Variants in PPP6R2 observed in about 807,000 individuals in gnomAD.
The protein encoded by PPP6R2 is protein phosphatase 6 regulatory subunit 2.
In PPP6R2, 62 loss-of-function variants were observed where a neutral mutation model predicts 100.2. The observed-to-expected ratio is 0.62, with a 90% CI of 0.50 to 0.76. PPP6R2 has a LOEUF of 0.76. Ranked by LOEUF, PPP6R2 falls within the 30% of genes least tolerant of loss-of-function variation. The pLI is 0.00. For synonymous variants in PPP6R2, 525 were observed against 514.7 expected (o/e 1.02, Z -0.27); for missense variants, 1,142 against 1,276.3 (o/e 0.89, Z 1.60).
chr22:50,414,258 C>T (rs1053907334), intron 4 of PPP6R2, among the ~76,000 whole-genome samples: 7 of 147,514 alleles, frequency 4.7e-5, no homozygotes, highest in African/African-American at 9.9e-5. Flanking sequence ...CAGCTGCTCA[C>T]GGCAGCCTGT....
intron 1 of PPP6R2, among the ~76,000 whole-genome samples, chr22:50,351,613 G>A (rs774316627): frequency 9.2e-5 from 14 of 151,838 alleles, no homozygotes; most frequent in Non-Finnish European, 2.9e-5. Context: ...TTCTATATCA[G>A]CATTTGCTGT....
At position 50,366,341 on chromosome 22, in the gene PPP6R2, C is replaced by T. The variant is rs553856807; in HGVS notation, c.-147-5679C>T. Among the ~76,000 whole-genome samples the T allele has an allele frequency of 4.1e-5, 6 of 145,606 alleles. No individual in the cohort carries two copies. In the East Asian group the frequency reaches 6.1e-4, roughly 15 times the overall value. ...TTTTTTTTTTTTTTAAATGGAGTCT[C>T]GCTCTGTCACCTAGGCTGGAGTGCA... On this transcript the variant is annotated intron_variant, in intron 1 of 23. Coordinates refer to ENST00000612753, the MANE Select transcript of PPP6R2 (RefSeq NM_001242898.2).
At chr22:50,401,276 C>T (rs1026381131) in intron 3 of PPP6R2, among the ~76,000 whole-genome samples, 25 of 147,794 alleles carry the variant, frequency 1.7e-4, no homozygotes, top group Non-Finnish European at 3.1e-4. Flanking sequence ...GGCACGATCT[C>T]GGCTCACTGC....
At chr22:50,333,163 G>A in the PPP6R2 span, among the ~76,000 whole-genome samples, 34 of 151,850 alleles carry the variant, frequency 2.2e-4, no homozygotes, top group Non-Finnish European at 3.4e-4. Context: ...AATAAACTTA[G>A]CACTTCTGTT....
At chr22:50,395,142 A>G (rs893742760) in intron 3 of PPP6R2, among the ~76,000 whole-genome samples, 1 of 152,202 alleles carries the variant, frequency 6.6e-6, no homozygotes, top group Non-Finnish European at 1.5e-5. Context: ...GATATGCAGT[A>G]TCTGACCTAC....
intron 8 of PPP6R2, among the ~76,000 whole-genome samples, chr22:50,420,463 C>T (rs887608739): frequency 2.0e-5 from 3 of 152,122 alleles, no homozygotes; most frequent in East Asian, 1.9e-4. Flanking sequence ...AGAGTGAGTT[C>T]GGGTGAAAGT....
chr22:50,375,118 G>A (rs746845212), intron 2 of PPP6R2, among the ~76,000 whole-genome samples: 1 of 152,018 alleles, frequency 6.6e-6, no homozygotes, highest in Non-Finnish European at 1.5e-5. Flanking sequence ...TCAAAGCGAC[G>A]AGAGCATGTA....
intron 10 of PPP6R2, among the ~76,000 whole-genome samples, chr22:50,430,192 C>T (rs2062874118): frequency 6.6e-6 from 1 of 152,212 alleles, no homozygotes; most frequent in Non-Finnish European, 1.5e-5. Context: ...CAGCTGTCCT[C>T]GTTCAGCCAC....
At chr22:50,362,978 A>C (rs2048080468) in intron 1 of PPP6R2, among the ~76,000 whole-genome samples, 1 of 152,244 alleles carries the variant, frequency 6.6e-6, no homozygotes, top group Non-Finnish European at 1.5e-5. Flanking sequence ...CTGGCAGAGC[A>C]GTCATTGAAG....
intron 2 of PPP6R2, among the ~76,000 whole-genome samples, chr22:50,375,918 G>C (rs1297060388): frequency 7.5e-6 from 1 of 133,988 alleles, no homozygotes; most frequent in East Asian, 2.2e-4. Context: ...TCGGTTCACT[G>C]CAACCTCTGC....
At chr22:50,342,783 G>T (rs1043233538), upstream of PPP6R2, among the ~76,000 whole-genome samples, 3 of 152,208 alleles carry the variant, frequency 2.0e-5, no homozygotes, top group African/African-American at 7.2e-5. Flanking sequence ...AACCCGTAGC[G>T]CACCTGGAGA....
chr22:50,416,052 C>T, intron 5 of PPP6R2, 40 bp from the exon 6 acceptor site: 4 of 1,560,694 alleles, frequency 2.6e-6, no homozygotes, highest in Non-Finnish European at 3.5e-6. Context: ...TTTACTTAGA[C>T]TTGAGCAGCG....
chr22:50,367,325 C>G (rs532766395), intron 1 of PPP6R2, among the ~76,000 whole-genome samples: 5 of 152,134 alleles, frequency 3.3e-5, no homozygotes, highest in African/African-American at 1.2e-4. Flanking sequence ...AAATCAAGGG[C>G]TACAGAATGA....
intron 4 of PPP6R2, among the ~76,000 whole-genome samples, chr22:50,410,469 C>CTTTTTTTT (rs200178930): frequency 7.7e-5 from 8 of 103,380 alleles, no homozygotes; most frequent in Admixed American, 1.0e-4. Context: ...TGAGTGGTGT[C>CTTTTTTTT]TTTTTTTTTT....
At chr22:50,421,216 T>C (rs1272815917) in intron 8 of PPP6R2, among the ~76,000 whole-genome samples, 1 of 152,196 alleles carries the variant, frequency 6.6e-6, no homozygotes, top group Non-Finnish European at 1.5e-5. Flanking sequence ...GATATTTTAA[T>C]CTTCATAAAC....
chr22:50,430,837 GC>G (rs1468959237), intron 10 of PPP6R2, among the ~76,000 whole-genome samples: 4 of 141,512 alleles, frequency 2.8e-5, no homozygotes, highest in Non-Finnish European at 6.0e-5. Flanking sequence ...TCGTGCCACT[GC>G]ACTCTAGCCT....
intron 1 of PPP6R2, among the ~76,000 whole-genome samples, chr22:50,347,538 A>G (rs1023745167): frequency 1.3e-5 from 2 of 149,270 alleles, no homozygotes; most frequent in Non-Finnish European, 3.0e-5. Context: ...CTGTCCCCCG[A>G]CCTGCCACTC....
chr22:50,442,340 GC>G (rs1463206465), intron 22 of PPP6R2, among the ~76,000 whole-genome samples: 1 of 152,208 alleles, frequency 6.6e-6, no homozygotes, highest in Non-Finnish European at 1.5e-5. Context: ...TGACCAGCAG[GC>G]CCCGTCTGTG....
intron 1 of PPP6R2, among the ~76,000 whole-genome samples, chr22:50,361,220 C>T (rs921488654): frequency 2.6e-5 from 4 of 152,138 alleles, no homozygotes; most frequent in Non-Finnish European, 2.9e-5. Context: ...TTGATAACTC[C>T]TTTTTTTCTT....
Sources: allele counts gnomAD v4.1 joint callset (sites outside exome capture counted in the v4.1 genomes callset), GRCh38; gene constraint gnomAD v4.1.1; transcripts MANE v1.5; gene names NCBI Gene and HGNC (gene_info 2026-07-23, HGNC 2026-07-21).